USH2A: variants seen among roughly 807,000 people sequenced by gnomAD.
USH2A encodes Usher syndrome 2A (autosomal recessive, mild).
In USH2A, 443 loss-of-function variants were observed where a neutral mutation model predicts 538.9. The observed-to-expected ratio is 0.82, with a 90% CI of 0.76 to 0.89. The LOEUF is 0.89. USH2A is among the 40% of genes least tolerant of loss of function. The pLI is 0.00. For missense variants in USH2A, 6,633 were observed against 6,324.8 expected, an observed-to-expected ratio of 1.05 and a Z score of -1.65; for synonymous variants, 2,413 against 2,273.5, an observed-to-expected ratio of 1.06 and a Z score of -1.75.
At chr1:216,096,618 G>T (rs2032447022) in intron 22 of USH2A, among the ~76,000 whole-genome samples, 1 of 152,008 alleles carries the variant, frequency 6.6e-6, no homozygotes, top group Non-Finnish European at 1.5e-5. Flanking sequence ...TGTATCCTTT[G>T]CAGGGGCATG....
intron 49 of USH2A, among the ~76,000 whole-genome samples, chr1:215,803,999 T>A (rs1662417868): frequency 6.6e-6 from 1 of 152,190 alleles, no homozygotes; most frequent in South Asian, 2.1e-4. Context: ...AACTATCTGA[T>A]CTTTGACAAA....
chr1:216,207,748 A>T (rs1325283459), intron 15 of USH2A, among the ~76,000 whole-genome samples: 1 of 146,446 alleles, frequency 6.8e-6, no homozygotes, highest in Non-Finnish European at 1.5e-5. Context: ...CCATCCAAGG[A>T]TGCACAACAT....
intron 63 of USH2A, among the ~76,000 whole-genome samples, chr1:215,672,322 C>T (rs1657843055): frequency 6.6e-6 from 1 of 152,076 alleles, no homozygotes; most frequent in South Asian, 2.1e-4. Flanking sequence ...CTCTTTGAAT[C>T]ACTGCTTTCT....
In USH2A at chr1:215,625,846, T is replaced by C. The variant is rs746374720; in HGVS notation, c.15544A>G (p.Asn5182Asp). The change falls in exon 72 of 72, where the codon AAC becomes GAC. Residue 5182 changes from asparagine (N) to aspartate (D), a missense_variant. Transcript: ENST00000307340. ...ACTGAGCTGAAATCCTTGATGGCGT[T>C]CATCAGGTCCTCTTCATCCACATAC... ...GLYVDEEDLM[N>D]AIKDFSSVTK... 5 of 1,613,998 alleles carry C rather than the reference T, an allele frequency of 3.1e-6. No homozygotes were observed. In the South Asian group the frequency reaches 5.5e-5, roughly 18 times the overall value.
intron 32 of USH2A, among the ~76,000 whole-genome samples, chr1:216,032,134 T>C (rs1342495834): frequency 6.6e-6 from 1 of 152,194 alleles, no homozygotes; most frequent in Non-Finnish European, 1.5e-5. Context: ...CTGAGGTACA[T>C]AGTACCTGCT....
intron 16 of USH2A, among the ~76,000 whole-genome samples, chr1:216,200,415 T>C (rs1047828660): frequency 9.9e-5 from 15 of 152,148 alleles, no homozygotes; most frequent in African/African-American, 3.6e-4. Context: ...AGAAAGTCCT[T>C]GCGGTTCTCC....
At chr1:215,792,980 A>AT (rs997509425) in intron 50 of USH2A, among the ~76,000 whole-genome samples, 1 of 152,144 alleles carries the variant, frequency 6.6e-6, no homozygotes, top group Non-Finnish European at 1.5e-5. Flanking sequence ...GTAGGTGTTT[A>AT]TTTTTCAGAT....
chr1:215,994,590 A>G (rs371974903), intron 34 of USH2A, among the ~76,000 whole-genome samples: 1 of 152,164 alleles, frequency 6.6e-6, no homozygotes, highest in Non-Finnish European at 1.5e-5. Context: ...GATGGGTTAA[A>G]TTGTGGCCTG....
chr1:216,407,643 A>C (rs1216287894), intron 3 of USH2A, among the ~76,000 whole-genome samples: 1 of 152,146 alleles, frequency 6.6e-6, no homozygotes, highest in Non-Finnish European at 1.5e-5. Flanking sequence ...CCATAGACCA[A>C]ATTCTGCCCT....
At chr1:216,225,152 C>T (rs1225528000) in intron 14 of USH2A, among the ~76,000 whole-genome samples, 4 of 152,022 alleles carry the variant, frequency 2.6e-5, no homozygotes, top group African/African-American at 7.2e-5. Flanking sequence ...TTGATGGAAT[C>T]CCATATATCT....
At chr1:215,993,237 G>T (rs568339281) in intron 34 of USH2A, 70 bp from the exon 35 acceptor site, 159 of 1,610,668 alleles carry the variant, frequency 9.9e-5, no homozygotes, top group Non-Finnish European at 1.3e-4. Flanking sequence ...TGAGGAAAGA[G>T]AATTCATAAT....
intron 48 of USH2A, among the ~76,000 whole-genome samples, chr1:215,814,501 T>C (rs1387309478): frequency 1.3e-5 from 2 of 152,098 alleles, no homozygotes; most frequent in Admixed American, 1.3e-4. Flanking sequence ...ATATATATTT[T>C]CTAGCATGAA....
intron 21 of USH2A, among the ~76,000 whole-genome samples, chr1:216,105,729 T>C (rs112856191): frequency 1.8e-4 from 28 of 152,158 alleles, no homozygotes; most frequent in African/African-American, 6.5e-4. Flanking sequence ...AATATTTTGT[T>C]TTTCATCCAC....
chr1:215,710,492 T>C (rs766220839), intron 61 of USH2A, among the ~76,000 whole-genome samples: 12 of 152,150 alleles, frequency 7.9e-5, no homozygotes, highest in Non-Finnish European at 1.6e-4. Flanking sequence ...ACATCTCAAC[T>C]GCTCATACGT....
chr1:215,906,353 C>T (rs1665640139), intron 38 of USH2A, among the ~76,000 whole-genome samples: 1 of 151,980 alleles, frequency 6.6e-6, no homozygotes, highest in Non-Finnish European at 1.5e-5. Flanking sequence ...AGTGTTTTCT[C>T]TTTGTAGGAT....
In USH2A at chr1:215,845,837, G is replaced by A. The variant is rs563658742; in HGVS notation, c.9042C>T (p.Thr3014=). The change falls in exon 45 of 72, where the codon ACC becomes ACT. Residue 3014 remains threonine (T), a synonymous_variant. Coordinates refer to ENST00000307340, the MANE Select transcript of USH2A (RefSeq NM_206933.4). ...ATCTGGACTCACCCCCATCGCAAGT[G>A]GTTGCATGAAGTCCTGCACTGTTGA... ...HSINSAGLHA[T]TCDGEPQGML... 1.2e-6 allele frequency: 2 copies of A among 1,613,658 alleles called. No individual in the cohort carries two copies. The highest frequency in any genetic ancestry group is 4.5e-5 in the East Asian group (2 of 44,866).
intron 21 of USH2A, chr1:216,174,213 T>C (rs1270147766): frequency 1.0e-6 from 1 of 985,230 alleles, no homozygotes; most frequent in Non-Finnish European, 1.2e-6. Flanking sequence ...TGTCTTCACA[T>C]ATGCAATATT....
intron 11 of USH2A, among the ~76,000 whole-genome samples, chr1:216,288,681 AC>A (rs1297957856): frequency 3.3e-5 from 5 of 152,148 alleles, no homozygotes; most frequent in Admixed American, 1.3e-4. Flanking sequence ...AACAGGAAAA[AC>A]TTCAGCTTCA....
chr1:215,935,903 G>T (rs558771895), intron 37 of USH2A, among the ~76,000 whole-genome samples: 1 of 151,896 alleles, frequency 6.6e-6, no homozygotes, highest in African/African-American at 2.4e-5. Flanking sequence ...AAATTATCTG[G>T]TCATGGTGGT....
Sources: gnomAD v4.1 joint callset for allele counts (sites outside exome capture counted in the v4.1 genomes callset) on GRCh38, gnomAD v4.1.1 for gene constraint, MANE v1.5 for transcripts, NCBI Gene and HGNC (gene_info 2026-07-23, HGNC 2026-07-21) for gene names.